Variants in PRR12 observed in about 807,000 individuals in gnomAD.
PRR12 encodes proline-rich protein 12.
PRR12 carries 12 observed loss-of-function variants against 138.0 expected under a neutral mutation model. The ratio of observed to expected loss-of-function variants is 0.09; its 90% CI spans 0.06 to 0.14. The LOEUF (loss-of-function observed/expected upper bound fraction) is 0.14, where lower values mean the gene tolerates loss of function less well. PRR12 is among the 10% of genes least tolerant of loss of function. PRR12 has a pLI of 1.00. For missense variants in PRR12, 2,692 were observed against 2,861.3 expected (o/e 0.94, Z 1.35); for synonymous variants, 1,567 against 1,291.7 (o/e 1.21, Z -4.57).
At position 49,593,373 on chromosome 19, in the gene PRR12, T is replaced by C. The variant is rs1731450362; in HGVS notation, c.133T>C (p.Leu45=). 4.3e-6 allele frequency: 7 copies of C among 1,610,984 alleles called. No individual in the cohort carries two copies. In the South Asian group the frequency reaches 7.7e-5, roughly 18 times the overall value. The change falls in exon 2 of 14, where the codon TTA becomes CTA. Residue 45 remains leucine (L), a synonymous_variant. Transcript: ENST00000418929. ...GACCTCGCACCCCGAGACGGACATC[T>C]TACACCGCCAGGCCTATGCGGCCCC... ...SRTSHPETDI[L]HRQAYAAPHP... is the part of the protein sequence containing the mutation.
chr19:49,619,987 G>A (rs1026206579), intron 9 of PRR12, among the ~76,000 whole-genome samples: 1 of 151,428 alleles, frequency 6.6e-6, no homozygotes, highest in Admixed American at 6.6e-5. Context: ...CGAGTAGCTG[G>A]GATTACAGGC....
intron 6 of PRR12, among the ~76,000 whole-genome samples, chr19:49,613,906 C>T (rs887546133): frequency 6.6e-6 from 1 of 152,078 alleles, no homozygotes; most frequent in Non-Finnish European, 1.5e-5. Context: ...GTCGGGAGTT[C>T]AAGACCAGCC....
chr19:49,595,663 A>C lies in PRR12; in HGVS notation c.1328A>C (p.Tyr443Ser), dbSNP rs2080762480. The C allele has an allele frequency of 3.1e-6, 5 of 1,600,276 alleles. No homozygotes were observed. Residue 443 changes from tyrosine to serine, a missense_variant, in exon 4 of 14, where the codon TAT becomes TCT. Physicochemically the swap from Tyr to Ser is moderately radical, Grantham distance 144 (BLOSUM62 -2). This residue lies in a region of PRR12 where 523 missense variants were observed against 496.4 expected (regional missense o/e 1.05). Coordinates refer to ENST00000418929, the MANE Select transcript of PRR12 (RefSeq NM_020719.3). ...GCTGGAGGGGCAGGGGGCCAGGCTT[A>C]TTCCCCCGGTCAGCCTCAAGGGCTT... ...SGAGGAGGQA[Y>S]SPGQPQGLLG...
At chr19:49,611,807 C>T (rs1338462354) in intron 6 of PRR12, among the ~76,000 whole-genome samples, 9 of 146,890 alleles carry the variant, frequency 6.1e-5, no homozygotes, top group South Asian at 4.3e-4. Flanking sequence ...CCTGTGGTCC[C>T]GGCTACTCGG....
In PRR12 at chr19:49,625,379, ACCCCAGGCCCCATG is replaced by A; in HGVS notation, c.5965-75_5965-62del. ...TCTCCCTGGGACACTGACATCTGAC[ACCCCAGGCCCCATG>A]CCCCAGCCCCTTCCCTCCCCAGAGG... is the stretch of plus-strand genomic sequence containing the variant. On this transcript the variant is annotated intron_variant, in intron 13 of 13. Coordinates refer to ENST00000418929, the MANE Select transcript of PRR12 (RefSeq NM_020719.3). This position sits in a 1 kb window ranked among gnomAD's most constrained non-coding sequence, Gnocchi z 5.5. The A allele has an allele frequency of 6.8e-7, 1 of 1,465,176 alleles. No homozygotes were observed. Among genetic ancestry groups the A allele is most frequent in the Non-Finnish European group, 9.2e-7 (1 of 1,088,778 alleles). The allele number at this position is 1,465,176 out of a possible 1,614,324, so 90.8% of individuals were successfully genotyped here. A position where few individuals can be genotyped will look rare whatever the true frequency, so the allele number is the denominator to read the frequency against.
intron 2 of PRR12, among the ~76,000 whole-genome samples, chr19:49,593,862 C>A (rs907215522): frequency 1.3e-5 from 2 of 152,160 alleles, no homozygotes; most frequent in Non-Finnish European, 2.9e-5. Flanking sequence ...TATTTTGCCC[C>A]ATTGCCTTAT....
rs1217066509 is a variant in PRR12 at position 49,594,999 on chromosome 19, G to T, written c.664G>T (p.Ala222Ser). 6.3e-7 allele frequency: 1 copy of T among 1,599,114 alleles called. No individual in the cohort carries two copies. Residue 222 changes from alanine to serine, a missense_variant, in exon 4 of 14, where the codon GCC becomes TCC. Physicochemically the swap from Ala to Ser is moderately conservative, Grantham distance 99. This residue lies in a region of PRR12 where 523 missense variants were observed against 496.4 expected (regional missense o/e 1.05). Coordinates refer to ENST00000418929, the MANE Select transcript of PRR12 (RefSeq NM_020719.3). This position sits in a 1 kb window ranked among gnomAD's most constrained non-coding sequence, Gnocchi z 5.6. ...CTTGGGGCCAGCTGGTCTCGGTCCAGCCCAGACCCCCCCTTACCGCCCTGG... is the reference window on the plus strand; with the variant it reads ...CTTGGGGCCAGCTGGTCTCGGTCCATCCCAGACCCCCCCTTACCGCCCTGG... ...GVLGPAGLGP[A>S]QTPPYRPGPP... is the part of the protein sequence containing the mutation.
At chr19:49,593,508 T>G (rs1036850357) in intron 2 of PRR12, 69 bp downstream of exon 2, 2 of 702,958 alleles carry the variant, frequency 2.8e-6, no homozygotes, top group Non-Finnish European at 4.9e-6. Flanking sequence ...GATTGGCTGT[T>G]GAAAGTTCCG....
chr19:49,615,933 T>G lies in PRR12; in HGVS notation c.5211T>G (p.Pro1737=). The G allele has an allele frequency of 6.4e-7, 1 of 1,553,574 alleles. No individual in the cohort carries two copies. The highest frequency in any genetic ancestry group is 8.7e-7 in the Non-Finnish European group (1 of 1,148,884). Residue 1737 remains proline, a synonymous_variant, in exon 9 of 14, where the codon CCT becomes CCG. Transcript: ENST00000418929. ...CCGAGAAGCCCTCCCTCCTGCGGCC[T>G]GTTGAGAAGGAAAAGGAGAAGGAGA... ...PAPEKPSLLR[P]VEKEKEKEKV...
Position 49,596,611 on chromosome 19 carries a change from T to C in PRR12, c.2276T>C (p.Phe759Ser). ...GCAGGCGCCAAGGAGCTGGGGGCCT[T>C]CTTGCAAAAGAGCCCTCCGCCCCCA... ...YGAGAKELGA[F>S]LQKSPPPPPP... The change falls in exon 4 of 14, where the codon TTC (phenylalanine) becomes TCC (serine). Residue 759 changes from phenylalanine (F) to serine (S), a missense_variant. By Grantham distance (155) the Phe-to-Ser change is radical (BLOSUM62 -2). Transcript: ENST00000418929. This position sits in a 1 kb window ranked among gnomAD's most constrained non-coding sequence, Gnocchi z 5.6. The C allele has an allele frequency of 6.3e-7, 1 of 1,593,362 alleles. No homozygotes were observed. Among genetic ancestry groups the C allele is most frequent in the Non-Finnish European group, 8.5e-7 (1 of 1,170,676 alleles).
chr19:49,620,341 C>G lies in PRR12; in HGVS notation c.5498-11C>G, dbSNP rs1249318101. The stretch of plus-strand genomic sequence containing the variant: ...TTGGGATAACGAGCCTGCGTCCTGT[C>G]TTTTCTGCAGAGCGGGCAGTACCTG... On this transcript the variant is annotated splice_polypyrimidine_tract_variant and intron_variant, in intron 9 of 13. Transcript: ENST00000418929. 6.2e-7 allele frequency: 1 copy of G among 1,612,894 alleles called. No homozygotes were observed. Among genetic ancestry groups the G allele is most frequent in the East Asian group, 2.2e-5 (1 of 44,866 alleles).
chr19:49,610,797 C>A (rs1309351983), intron 6 of PRR12, among the ~76,000 whole-genome samples: 2 of 151,648 alleles, frequency 1.3e-5, no homozygotes, highest in East Asian at 1.9e-4. Flanking sequence ...CCCGCCTTGG[C>A]CTCCCAAAGT....
intron 6 of PRR12, among the ~76,000 whole-genome samples, chr19:49,604,876 A>G (rs914261495): frequency 4.6e-5 from 7 of 151,990 alleles, no homozygotes; most frequent in African/African-American, 1.7e-4. Flanking sequence ...TTTCTGAGAC[A>G]GGGTCTCCCT....
chr19:49,609,384 TGAA>T (rs910241578), intron 6 of PRR12, among the ~76,000 whole-genome samples: 3 of 152,052 alleles, frequency 2.0e-5, no homozygotes, highest in Non-Finnish European at 1.5e-5. Flanking sequence ...GTGGATCACT[TGAA>T]GTCAGGAGGT....
At position 49,599,566 on chromosome 19, in the gene PRR12, C is replaced by A; in HGVS notation, c.3973C>A (p.Gln1325Lys). Residue 1325 changes from glutamine (Q) to lysine (K), a missense_variant, in exon 5 of 14, where the codon CAG becomes AAG. Physicochemically the swap from Gln to Lys is moderately conservative, Grantham distance 53. Coordinates refer to ENST00000418929, the MANE Select transcript of PRR12 (RefSeq NM_020719.3). The surrounding 1 kb of genome is among the most constrained non-coding windows in gnomAD (Gnocchi z 5.0). ...PSVPARGLQP[Q>K]PPATPAVPHP... ...TGTGCCAGCCCGAGGCCTGCAGCCC[C>A]AGCCCCCTGCCACCCCTGCTGTGCC... 1 of 1,594,798 alleles carries A rather than the reference C, an allele frequency of 6.3e-7. No homozygotes were observed. Among genetic ancestry groups the A allele is most frequent in the East Asian group, 2.3e-5 (1 of 44,028 alleles).
chr19:49,591,966 A>G (rs544989891), intron 1 of PRR12, among the ~76,000 whole-genome samples: 1 of 152,288 alleles, frequency 6.6e-6, no homozygotes, highest in South Asian at 2.1e-4. Flanking sequence ...TGCAGCGGGA[A>G]AATGGGGGTG....
chr19:49,595,654 G>T lies in PRR12; in HGVS notation c.1319G>T (p.Gly440Val), dbSNP rs1280773093. ...GCCTCTGGGGCTGGAGGGGCAGGGG[G>T]CCAGGCTTATTCCCCCGGTCAGCCT... is the stretch of plus-strand genomic sequence containing the variant. Reference protein sequence around the residue: ...GKASGAGGAGGQAYSPGQPQG... With the variant: ...GKASGAGGAGVQAYSPGQPQG... The change falls in exon 4 of 14, where the codon GGC becomes GTC. Residue 440 changes from glycine (G) to valine (V), a missense_variant. Gly to Val is a moderately radical substitution (Grantham distance 109). Around this residue, in one of 11 missense-constraint regions of PRR12, gnomAD observed 523 missense variants for 496.4 expected, o/e 1.05. Coordinates refer to ENST00000418929, the MANE Select transcript of PRR12 (RefSeq NM_020719.3). 6.2e-7 allele frequency: 1 copy of T among 1,603,016 alleles called. No individual in the cohort carries two copies. The highest frequency in any genetic ancestry group is 1.7e-5 in the Admixed American group (1 of 58,624).
intron 9 of PRR12, among the ~76,000 whole-genome samples, chr19:49,617,114 G>C (rs1412982678): frequency 1.5e-5 from 2 of 137,250 alleles, no homozygotes; most frequent in African/African-American, 5.5e-5. Context: ...CTAGATGACA[G>C]AACAAGACTC....
intron 10 of PRR12, among the ~76,000 whole-genome samples, chr19:49,620,956 G>C (rs2080919519): frequency 7.0e-6 from 1 of 142,174 alleles, no homozygotes; most frequent in South Asian, 2.4e-4. Context: ...ACTGGGGCCT[G>C]GACTCCTGGG....
Sources: allele counts gnomAD v4.1 joint callset (sites outside exome capture counted in the v4.1 genomes callset), GRCh38; gene constraint gnomAD v4.1.1; regional missense constraint gnomAD v4.1.1; non-coding constraint Gnocchi (gnomAD v3.1); transcripts MANE v1.5; gene names NCBI Gene and HGNC (gene_info 2026-07-23, HGNC 2026-07-21).